CACNA1I: variants seen among roughly 807,000 people sequenced by gnomAD.
The protein encoded by CACNA1I is voltage-dependent T-type calcium channel subunit alpha-1I.
A neutral mutation model predicts 201.6 loss-of-function variants in CACNA1I; 74 were observed. The observed-to-expected ratio is 0.37, with a 90% CI of 0.30 to 0.45. CACNA1I has a LOEUF of 0.45. Among genes scored for constraint, CACNA1I ranks in the 20% least tolerant of loss-of-function variants. The pLI, the probability that CACNA1I is intolerant of heterozygous loss-of-function variation, is 1.00. For synonymous variants in CACNA1I, 1,431 were observed against 1,345.2 expected (o/e 1.06, Z -1.40); for missense variants, 2,346 against 3,138.1 (o/e 0.75, Z 6.03).
rs536552593 is a variant in CACNA1I at position 39,682,673 on chromosome 22, GAGCCCTGCCAGCTCCCCAC to G, written c.5830+19_5830+37del. The G allele has an allele frequency of 1.5e-4, 247 of 1,608,178 alleles. No homozygotes were observed. The African/African-American group carries it at 3.0e-3, about 20-fold the overall frequency. On this transcript the variant is annotated intron_variant, in intron 35 of 36. Transcript: ENST00000402142. ...TGACAGCAGTCAAGGTGAGGGGTGG[GAGCCCTGCCAGCTCCCCAC>G]AGCCCTCATCTTGGGCATCTGCTTC...
Position 39,666,562 on chromosome 22 carries a change from G to T in CACNA1I, c.4104+556G>T, listed in dbSNP as rs1209091848. Among the ~76,000 whole-genome samples the T allele has an allele frequency of 1.3e-5, 2 of 152,180 alleles. No individual in the cohort carries two copies. The highest frequency in any genetic ancestry group is 1.5e-5 in the Non-Finnish European group (1 of 68,016). ...GTCTCCTCTCCTGAGGGCCTGCCAG[G>T]TGTGACCCATCTGGGCAGTGCCCCA... On this transcript the variant is annotated intron_variant, in intron 23 of 36. Coordinates refer to ENST00000402142, the MANE Select transcript of CACNA1I (RefSeq NM_021096.4). The surrounding 1 kb of genome is among the most constrained non-coding windows in gnomAD (Gnocchi z 4.1).
chr22:39,626,495 A>G (rs1933904196), intron 4 of CACNA1I, among the ~76,000 whole-genome samples: 1 of 152,188 alleles, frequency 6.6e-6, no homozygotes, highest in Non-Finnish European at 1.5e-5. Flanking sequence ...TGGAGGTGTC[A>G]TCCTGGGCTG....
In CACNA1I at chr22:39,688,760, C is replaced by T. The variant is rs1655631926; in HGVS notation, c.*2355C>T. 1 of 152,364 alleles carries T rather than the reference C, an allele frequency of 6.6e-6. No individual in the cohort carries two copies. Among genetic ancestry groups the T allele is most frequent in the Non-Finnish European group, 1.5e-5 (1 of 68,164 alleles). The allele number at this position is 152,364 out of a possible 1,614,324, so 9.4% of individuals were successfully genotyped here. On this transcript the variant is annotated 3_prime_UTR_variant, in exon 37 of 37. Coordinates refer to ENST00000402142, the MANE Select transcript of CACNA1I (RefSeq NM_021096.4). The surrounding 1 kb of genome is among the most constrained non-coding windows in gnomAD (Gnocchi z 4.8). Reference sequence around the variant, plus strand: ...ACCCTGAACCGTGTGACTCTGCAAGCAGACACCTCGAGGCAGGTGTTCTAG... The same window carrying T: ...ACCCTGAACCGTGTGACTCTGCAAGTAGACACCTCGAGGCAGGTGTTCTAG...
chr22:39,625,487 G>A (rs909708091), intron 4 of CACNA1I, among the ~76,000 whole-genome samples: 8 of 152,112 alleles, frequency 5.3e-5, no homozygotes, highest in African/African-American at 9.7e-5. Context: ...TCTGGGCCTC[G>A]GTTTCCCTAC....
intron 29 of CACNA1I, among the ~76,000 whole-genome samples, chr22:39,674,538 G>A (rs751940849): frequency 1.3e-5 from 2 of 152,200 alleles, no homozygotes; most frequent in African/African-American, 2.4e-5. Context: ...TGACCCAGGT[G>A]GGGATCTGAG....
chr22:39,662,146 G>A lies in CACNA1I; in HGVS notation c.3083G>A (p.Arg1028Gln), dbSNP rs747270511. 2.6e-6 allele frequency: 4 copies of A among 1,526,274 alleles called. No homozygotes were observed. Among genetic ancestry groups the A allele is most frequent in the South Asian group, 1.2e-5 (1 of 82,256 alleles). The allele number at this position is 1,526,274 out of a possible 1,614,324, so 94.5% of individuals were successfully genotyped here. A position where few individuals can be genotyped will look rare whatever the true frequency, so the allele number is the denominator to read the frequency against. Residue 1028 changes from arginine to glutamine, a missense_variant, in exon 17 of 37, where the codon CGG becomes CAG. This residue lies in a region of CACNA1I where 288 missense variants were observed against 255.2 expected (regional missense o/e 1.13). Coordinates refer to ENST00000402142, the MANE Select transcript of CACNA1I (RefSeq NM_021096.4). ...GTTGCCGCGGACGAGGGGCCGCCGCGGGCCGCACCCCTGCACACCCCACAC... is the reference window on the plus strand; with the variant it reads ...GTTGCCGCGGACGAGGGGCCGCCGCAGGCCGCACCCCTGCACACCCCACAC... ...CEVAADEGPP[R>Q]AAPLHTPHAH... is the part of the protein sequence containing the mutation.
intron 3 of CACNA1I, among the ~76,000 whole-genome samples, chr22:39,605,980 T>G (rs1222848976): frequency 6.6e-6 from 1 of 152,126 alleles, no homozygotes; most frequent in Admixed American, 6.5e-5. Flanking sequence ...ATGGTATCAC[T>G]GACAAACTCA....
At position 39,648,634 on chromosome 22, in the gene CACNA1I, G is replaced by A. The variant is rs1270773904; in HGVS notation, c.1567+708G>A. ...GGGCTTGGGAGGCATCTGGAGGCAA[G>A]TGTGGAAATGAAGGGTAGGCGTGAC... On this transcript the variant is annotated intron_variant, in intron 9 of 36. Transcript: ENST00000402142. The surrounding 1 kb of genome is among the most constrained non-coding windows in gnomAD (Gnocchi z 5.4). 1.3e-5 allele frequency among the ~76,000 whole-genome samples: 2 copies of A among 152,178 alleles called. No homozygotes were observed. The highest frequency in any genetic ancestry group is 1.3e-4 in the Admixed American group (2 of 15,294).
At chr22:39,653,729 GT>G (rs1213772296) in intron 10 of CACNA1I, among the ~76,000 whole-genome samples, 1 of 152,216 alleles carries the variant, frequency 6.6e-6, no homozygotes, top group Non-Finnish European at 1.5e-5. Context: ...TGAATGACAG[GT>G]TAGATTGCAG....
intron 20 of CACNA1I, 143 bp downstream of exon 20, chr22:39,664,302 C>T: frequency 1.5e-6 from 1 of 681,358 alleles, no homozygotes. Flanking sequence ...TGGGTGCCAG[C>T]CCCGGGGCTG....
At chr22:39,653,169 GAGAACC>G (rs1934702771) in intron 10 of CACNA1I, among the ~76,000 whole-genome samples, 57 of 151,246 alleles carry the variant, frequency 3.8e-4, no homozygotes, top group Non-Finnish European at 5.5e-4. Flanking sequence ...TGACTGCATT[GAGAACC>G]TGGCGCTTAG....
rs927451036 is a variant in CACNA1I, at chr22:39,662,531, G to A, written c.3372+96G>A. ...GCGGGGCCCGAGCGGGCGGGCCCAC[G>A]GGGGGCGTGGCCGGGGCGTGGCCGG... On this transcript the variant is annotated intron_variant, in intron 17 of 36. Transcript: ENST00000402142. 14 of 967,452 alleles carry A rather than the reference G, an allele frequency of 1.4e-5. No homozygotes were observed. In the African/African-American group the frequency reaches 2.2e-4, roughly 15 times the overall value. 59.9% of individuals were successfully genotyped at this position (967,452 alleles called of 1,614,324 possible).
chr22:39,607,378 A>C (rs1366998267), intron 3 of CACNA1I, among the ~76,000 whole-genome samples: 2 of 152,232 alleles, frequency 1.3e-5, no homozygotes, highest in African/African-American at 4.8e-5. Flanking sequence ...GTTTAAAAGC[A>C]GATTTCTGGC....
rs1020162406 is a variant in CACNA1I at position 39,663,806 on chromosome 22, G to A, written c.3562G>A (p.Ala1188Thr). 2.5e-6 allele frequency: 4 copies of A among 1,613,260 alleles called. No individual in the cohort carries two copies. Among genetic ancestry groups the A allele is most frequent in the Non-Finnish European group, 8.5e-7 (1 of 1,179,514 alleles). ...CATCTTTCTCAACTGCATCACCATCGCCCTGGAGCGGCCTCAGATCGAGGC... is the reference window on the plus strand; with the variant it reads ...CATCTTTCTCAACTGCATCACCATCACCCTGGAGCGGCCTCAGATCGAGGC... The part of the protein sequence containing the change: ...AFIFLNCITI[A>T]LERPQIEAGS... The change falls in exon 19 of 37, where the codon GCC (alanine) becomes ACC (threonine). Residue 1188 changes from alanine (A) to threonine (T), a missense_variant. By Grantham distance (58) the Ala-to-Thr change is moderately conservative. Coordinates refer to ENST00000402142, the MANE Select transcript of CACNA1I (RefSeq NM_021096.4).
intron 2 of CACNA1I, 101 bp from the exon 3 acceptor site, chr22:39,600,419 T>G: frequency 1.1e-6 from 1 of 950,504 alleles, no homozygotes; most frequent in Non-Finnish European, 1.6e-6. Context: ...CCAGGCCCCT[T>G]GCATCCATGT....
chr22:39,574,629 C>T (rs557542880), intron 1 of CACNA1I, among the ~76,000 whole-genome samples: 5 of 152,202 alleles, frequency 3.3e-5, no homozygotes, highest in South Asian at 2.1e-4. Context: ...TGGGGGTTGA[C>T]GGTGCTTTGT....
At chr22:39,624,951 C>G (rs1272081043) in intron 4 of CACNA1I, among the ~76,000 whole-genome samples, 1 of 145,664 alleles carries the variant, frequency 6.9e-6, no homozygotes, top group Non-Finnish European at 1.5e-5. Context: ...CCCTGTCACC[C>G]AGGCTGGAGT....
At chr22:39,609,187 T>G (rs1933310200) in intron 3 of CACNA1I, among the ~76,000 whole-genome samples, 1 of 152,214 alleles carries the variant, frequency 6.6e-6, no homozygotes, top group Non-Finnish European at 1.5e-5. Flanking sequence ...CTGTGGTCAG[T>G]TCCACCTCAC....
At chr22:39,641,252 G>A in intron 6 of CACNA1I, 70 bp downstream of exon 6, 1 of 1,363,176 alleles carries the variant, frequency 7.3e-7, no homozygotes, top group South Asian at 1.3e-5. Context: ...GCAGGGCTCT[G>A]TGCTAGGCAT....
Sources: gnomAD v4.1 joint callset for allele counts (sites outside exome capture counted in the v4.1 genomes callset) on GRCh38, gnomAD v4.1.1 for gene constraint, gnomAD v4.1.1 regional missense constraint, Gnocchi (gnomAD v3.1) non-coding constraint, MANE v1.5 for transcripts, NCBI Gene and HGNC (gene_info 2026-07-23, HGNC 2026-07-21) for gene names.